Variants in SPATA17 observed in about 807,000 individuals in gnomAD.
The protein encoded by SPATA17 is spermatogenesis-associated protein 17.
A neutral mutation model predicts 62.2 loss-of-function variants in SPATA17; 53 were observed. That is an observed-to-expected ratio of 0.85 (90% CI 0.68 to 1.07). The LOEUF (loss-of-function observed/expected upper bound fraction) is 1.07, where lower values mean the gene tolerates loss of function less well. Among genes scored for constraint, SPATA17 ranks in the 50% least tolerant of loss-of-function variants. SPATA17 has a pLI of 0.00. For missense variants in SPATA17, 466 were observed against 425.5 expected, an observed-to-expected ratio of 1.10 and a Z score of -0.84; for synonymous variants, 146 against 146.8, an observed-to-expected ratio of 0.99 and a Z score of 0.04.
At chr1:217,731,736 A>G (rs1316655117) in intron 5 of SPATA17, among the ~76,000 whole-genome samples, 1 of 152,212 alleles carries the variant, frequency 6.6e-6, no homozygotes, top group Non-Finnish European at 1.5e-5. Flanking sequence ...AAGCAAACCC[A>G]AAATGAACAC....
chr1:217,756,044 A>G (rs1171113029), intron 6 of SPATA17, among the ~76,000 whole-genome samples: 2 of 152,142 alleles, frequency 1.3e-5, no homozygotes, highest in South Asian at 4.1e-4. Context: ...GAATTCATAA[A>G]GGAGAACAAT....
At position 217,665,455 on chromosome 1, in the gene SPATA17, G is replaced by A; in HGVS notation, c.241-3578G>A. The A allele has an allele frequency of 1.3e-5, 2 of 152,192 alleles. 1 individual carries two copies. Among genetic ancestry groups the A allele is most frequent in the Non-Finnish European group, 2.9e-5 (2 of 68,030 alleles). 9.4% of individuals were successfully genotyped at this position (152,192 alleles called of 1,614,324 possible). A position where few individuals can be genotyped will look rare whatever the true frequency, so the allele number is the denominator to read the frequency against. ...ACTGTTCCAAATGGATTAAACAGAA[G>A]ATTAAGCAGGTATGAAGACTGTAGG... On this transcript the variant is annotated intron_variant, in intron 3 of 10. Transcript: ENST00000366933.
At chr1:217,855,179 C>G (rs1225327516) in intron 9 of SPATA17, among the ~76,000 whole-genome samples, 1 of 152,218 alleles carries the variant, frequency 6.6e-6, no homozygotes, top group Non-Finnish European at 1.5e-5. Context: ...GATACTGTCT[C>G]TGAACGTTTT....
At chr1:217,688,952 C>T (rs751314081) in intron 5 of SPATA17, among the ~76,000 whole-genome samples, 17 of 152,026 alleles carry the variant, frequency 1.1e-4, no homozygotes, top group Non-Finnish European at 2.2e-4. Context: ...AAAAGCTTAC[C>T]GAATGAAAGA....
chr1:217,801,175 G>A (rs1390838425), intron 8 of SPATA17, among the ~76,000 whole-genome samples: 1 of 152,092 alleles, frequency 6.6e-6, no homozygotes, highest in South Asian at 2.1e-4. Flanking sequence ...GGCTCATTCA[G>A]GTAACTTGCA....
At position 217,755,601 on chromosome 1, in the gene SPATA17, T is replaced by C. The variant is rs78331310; in HGVS notation, c.519+13503T>C. On this transcript the variant is annotated intron_variant, in intron 6 of 10. Transcript: ENST00000366933. Reference sequence around the variant, plus strand: ...ATGACTTGAATTTCAGAGTTTTTTCTCAAGTTTATTCAGCAATATTTTCCA... The same window carrying C: ...ATGACTTGAATTTCAGAGTTTTTTCCCAAGTTTATTCAGCAATATTTTCCA... Among the ~76,000 whole-genome samples, 1,108 of 152,144 alleles carry C rather than the reference T, an allele frequency of 7.3e-3. 12 individuals carry two copies. Among genetic ancestry groups the C allele is most frequent in the African/African-American group, 0.025 (1,058 of 41,552 alleles).
intron 6 of SPATA17, among the ~76,000 whole-genome samples, chr1:217,743,880 A>T (rs1322171080): frequency 6.6e-6 from 1 of 152,028 alleles, no homozygotes; most frequent in Non-Finnish European, 1.5e-5. Context: ...AAGTGCTGGG[A>T]TTACAGGTGT....
chr1:217,778,127 G>C (rs1267399369), intron 7 of SPATA17, among the ~76,000 whole-genome samples: 2 of 152,048 alleles, frequency 1.3e-5, no homozygotes, highest in African/African-American at 4.8e-5. Flanking sequence ...CATTTCCACT[G>C]CATGTATATT....
intron 3 of SPATA17, among the ~76,000 whole-genome samples, 168 bp from the exon 4 acceptor site, chr1:217,668,865 A>G (rs1670767787): frequency 6.6e-6 from 1 of 152,146 alleles, no homozygotes. Flanking sequence ...AGCTTGCATT[A>G]TGTATTAGGA....
intron 6 of SPATA17, among the ~76,000 whole-genome samples, chr1:217,742,952 AT>A (rs1184754232): frequency 1.5e-4 from 7 of 47,364 alleles, no homozygotes; most frequent in Non-Finnish European, 5.6e-4. Context: ...AAATTAAAAT[AT>A]ATATATATAT....
chr1:217,673,709 C>T (rs1670883415), intron 4 of SPATA17, among the ~76,000 whole-genome samples: 1 of 152,134 alleles, frequency 6.6e-6, no homozygotes, highest in Non-Finnish European at 1.5e-5. Flanking sequence ...ATAGTGAGCA[C>T]TTGGGTGTCA....
intron 5 of SPATA17, among the ~76,000 whole-genome samples, chr1:217,710,643 ATATT>A (rs534467174): frequency 1.5e-3 from 221 of 152,290 alleles, no homozygotes; most frequent in African/African-American, 4.9e-3. Context: ...TTAAAAGGAA[ATATT>A]TATTTGCTTT....
intron 9 of SPATA17, among the ~76,000 whole-genome samples, chr1:217,847,108 A>T (rs914699787): frequency 6.6e-6 from 1 of 151,982 alleles, no homozygotes; most frequent in African/African-American, 2.4e-5. Flanking sequence ...AGTTTTAAGG[A>T]GGCAACAATC....
intron 9 of SPATA17, among the ~76,000 whole-genome samples, chr1:217,822,376 T>A (rs947710910): frequency 6.6e-6 from 1 of 151,890 alleles, no homozygotes; most frequent in East Asian, 1.9e-4. Context: ...CATGTTTTTT[T>A]ATATCTTTTG....
rs545928937 is a variant in SPATA17 at position 217,833,879 on chromosome 1, A to T, written c.1006-28895A>T. 3.9e-5 allele frequency among the ~76,000 whole-genome samples: 6 copies of T among 152,306 alleles called. No homozygotes were observed. The East Asian group carries it at 1.2e-3, about 29-fold the overall frequency. On this transcript the variant is annotated intron_variant, in intron 9 of 10. Coordinates refer to ENST00000366933, the MANE Select transcript of SPATA17 (RefSeq NM_138796.4). ...AACCATTTTGTACAACAATGCATTT[A>T]TCTCTAACATTAATTTGATTTCAGT...
intron 5 of SPATA17, among the ~76,000 whole-genome samples, chr1:217,717,005 T>C (rs1672019275): frequency 6.6e-6 from 1 of 152,204 alleles, no homozygotes; most frequent in Non-Finnish European, 1.5e-5. Flanking sequence ...AGGTTGGAAC[T>C]CAGTCTTTTT....
intron 8 of SPATA17, among the ~76,000 whole-genome samples, chr1:217,800,393 G>A (rs532735320): frequency 6.6e-6 from 1 of 150,390 alleles, no homozygotes; most frequent in Non-Finnish European, 1.5e-5. Flanking sequence ...GACGAGCAGG[G>A]AAAGAGTTCA....
intron 6 of SPATA17, among the ~76,000 whole-genome samples, chr1:217,754,539 A>G (rs887923934): frequency 2.0e-5 from 3 of 152,116 alleles, no homozygotes; most frequent in East Asian, 1.9e-4. Context: ...TTTTGGATTG[A>G]GCCCAGTCAT....
chr1:217,859,896 T>G (rs1364165559), intron 9 of SPATA17, among the ~76,000 whole-genome samples: 1 of 152,098 alleles, frequency 6.6e-6, no homozygotes, highest in Non-Finnish European at 1.5e-5. Flanking sequence ...GTTCATAATT[T>G]TGTTGATTTT....
Sources: gnomAD v4.1 joint callset for allele counts (sites outside exome capture counted in the v4.1 genomes callset) on GRCh38, gnomAD v4.1.1 for gene constraint, MANE v1.5 for transcripts, NCBI Gene and HGNC (gene_info 2026-07-23, HGNC 2026-07-21) for gene names.